Variants in KATNAL2 observed in about 807,000 individuals in gnomAD.
KATNAL2 encodes the protein katanin catalytic subunit A1 like 2.
Under a neutral mutation model 76.3 loss-of-function variants are expected in KATNAL2, and 52 were observed. The ratio of observed to expected loss-of-function variants is 0.68; its 90% CI spans 0.55 to 0.86. The LOEUF is 0.86. KATNAL2 is among the 40% of genes least tolerant of loss of function. The probability of loss-of-function intolerance (pLI) is 0.00; values close to 1 mark genes in which losing one functional copy is unlikely to be tolerated. For synonymous variants in KATNAL2, 243 were observed against 244.2 expected (o/e 1.00, Z 0.05); for missense variants, 660 against 668.9 (o/e 0.99, Z 0.15).
intron 3 of KATNAL2, among the ~76,000 whole-genome samples, chr18:47,046,140 T>C (rs982996031): frequency 6.6e-6 from 1 of 152,274 alleles, no homozygotes; most frequent in African/African-American, 2.4e-5. Flanking sequence ...CTGGTCCCAA[T>C]AGTAGTAGAT....
At chr18:46,956,826 T>C (rs1411411495) in intron 3 of KATNAL2, among the ~76,000 whole-genome samples, 2 of 152,090 alleles carry the variant, frequency 1.3e-5, no homozygotes, top group African/African-American at 2.4e-5. Flanking sequence ...GCAGATCACC[T>C]GAGGTCAGGA....
At chr18:46,923,041 A>G (rs1181066050) in intron 1 of KATNAL2, among the ~76,000 whole-genome samples, 1 of 149,444 alleles carries the variant, frequency 6.7e-6, no homozygotes, top group Non-Finnish European at 1.5e-5. Flanking sequence ...GACCTTTAGT[A>G]AGATCTCAAC....
intron 16 of KATNAL2, 57 bp from the exon 17 acceptor site, chr18:47,100,197 G>A (rs767330956): frequency 6.4e-6 from 8 of 1,259,550 alleles, no homozygotes; most frequent in East Asian, 4.6e-5. Flanking sequence ...CTATAACAAC[G>A]TAATGGCCAG....
chr18:46,930,980 G>A (rs910807848), intron 1 of KATNAL2, among the ~76,000 whole-genome samples: 1 of 151,944 alleles, frequency 6.6e-6, no homozygotes, highest in Non-Finnish European at 1.5e-5. Context: ...GCACACGCCT[G>A]TAGTCCTAGC....
In KATNAL2 at chr18:47,033,205, C is replaced by A. The variant is rs1464581319; in HGVS notation, c.52-13252C>A. The A allele has an allele frequency of 6.2e-7, 1 of 1,613,962 alleles. No individual in the cohort carries two copies. Among genetic ancestry groups the A allele is most frequent in the African/African-American group, 1.3e-5 (1 of 74,922 alleles). On this transcript the variant is annotated intron_variant, in intron 3 of 17. Coordinates refer to ENST00000683218, the MANE Select transcript of KATNAL2 (RefSeq NM_001387690.1). ...TCTGCCACCGCCGCTGCTGCTCTGG[C>A]TGGAGGGAGTGTGGCTGCTTCCCGC... is the stretch of plus-strand genomic sequence containing the variant.
At chr18:47,064,934 A>G (rs1057230639) in intron 10 of KATNAL2, among the ~76,000 whole-genome samples, 36 of 152,166 alleles carry the variant, frequency 2.4e-4, no homozygotes, top group African/African-American at 8.7e-4. Flanking sequence ...ACTCTAGAAG[A>G]GGTCAAGAAA....
chr18:47,100,311 C>A lies in KATNAL2; in HGVS notation c.1432C>A (p.Arg478=), dbSNP rs183886970. ...GCTCGTCTGCAGGGAAGCAGCCATG[C>A]GGCCCGTGAGGAAGATCTTTGATGC... ...IKLVCREAAM[R]PVRKIFDALE... Residue 478 remains arginine, a synonymous_variant, in exon 17 of 18, where the codon CGG becomes AGG. Coordinates refer to ENST00000683218, the MANE Select transcript of KATNAL2 (RefSeq NM_001387690.1). 4.3e-6 allele frequency: 7 copies of A among 1,614,048 alleles called. No individual in the cohort carries two copies. Among genetic ancestry groups the A allele is most frequent in the South Asian group, 2.2e-5 (2 of 91,072 alleles).
chr18:46,950,176 A>G (rs2059507146), intron 3 of KATNAL2, among the ~76,000 whole-genome samples: 1 of 152,232 alleles, frequency 6.6e-6, no homozygotes, highest in Non-Finnish European at 1.5e-5. Flanking sequence ...GCTTGCATGT[A>G]ACAGATAATA....
intron 3 of KATNAL2, among the ~76,000 whole-genome samples, chr18:46,959,183 A>C (rs893636979): frequency 6.6e-6 from 1 of 152,258 alleles, no homozygotes; most frequent in African/African-American, 2.4e-5. Flanking sequence ...ATAGCTATAA[A>C]AAATGTGCAG....
intron 6 of KATNAL2, among the ~76,000 whole-genome samples, chr18:47,054,915 C>A (rs1487346361): frequency 6.6e-6 from 1 of 152,260 alleles, no homozygotes; most frequent in South Asian, 2.1e-4. Context: ...TGAGCTCAGG[C>A]TTCTGGCTTC....
At chr18:46,921,231 C>T (rs965131579) in intron 1 of KATNAL2, among the ~76,000 whole-genome samples, 2 of 152,154 alleles carry the variant, frequency 1.3e-5, no homozygotes, top group Admixed American at 1.3e-4. Flanking sequence ...CGAATTTAAG[C>T]AATTCTCTGC....
chr18:47,054,565 G>C, intron 6 of KATNAL2, 127 bp downstream of exon 6: 1 of 932,466 alleles, frequency 1.1e-6, no homozygotes. Flanking sequence ...CATGTGACCT[G>C]GCCCAGCCCA....
chr18:47,094,265 TC>T (rs2063133304), intron 15 of KATNAL2, among the ~76,000 whole-genome samples: 1 of 152,130 alleles, frequency 6.6e-6, no homozygotes, highest in Non-Finnish European at 1.5e-5. Flanking sequence ...TCTCCCACCC[TC>T]CAAAATGACA....
At chr18:47,077,520 A>C in intron 15 of KATNAL2, 59 bp downstream of exon 15, 1 of 1,219,764 alleles carries the variant, frequency 8.2e-7, no homozygotes, top group Non-Finnish European at 1.2e-6. Flanking sequence ...AGTGCAAATA[A>C]AAATTTTATA....
intron 1 of KATNAL2, among the ~76,000 whole-genome samples, chr18:46,925,415 C>T (rs370152464): frequency 6.6e-6 from 1 of 152,308 alleles, no homozygotes; most frequent in South Asian, 2.1e-4. Flanking sequence ...ACCAGCCTTG[C>T]ATCCCAGGGA....
At chr18:47,034,551 AC>A (rs1569054717) in intron 3 of KATNAL2, 4 of 1,614,220 alleles carry the variant, frequency 2.5e-6, no homozygotes, top group Non-Finnish European at 3.4e-6. Flanking sequence ...CTCCCTGGGC[AC>A]ACAAGGGGCG....
chr18:47,049,729 T>A (rs1599664717), intron 4 of KATNAL2, among the ~76,000 whole-genome samples: 1 of 152,290 alleles, frequency 6.6e-6, no homozygotes, highest in East Asian at 1.9e-4. Context: ...GTGGTTGTTG[T>A]TTTGGAGACA....
intron 6 of KATNAL2, among the ~76,000 whole-genome samples, 154 bp from the exon 7 acceptor site, chr18:47,058,081 T>A (rs2147124192): frequency 6.6e-6 from 1 of 152,296 alleles, no homozygotes; most frequent in African/African-American, 2.4e-5. Flanking sequence ...ATGGACCTGG[T>A]GGGTGGATCA....
At chr18:46,959,090 A>G (rs1418984553) in intron 3 of KATNAL2, among the ~76,000 whole-genome samples, 1 of 152,260 alleles carries the variant, frequency 6.6e-6, no homozygotes, top group Non-Finnish European at 1.5e-5. Context: ...TTGAAAATTT[A>G]ATTACATCAG....
Sources: allele counts gnomAD v4.1 joint callset (sites outside exome capture counted in the v4.1 genomes callset), GRCh38; gene constraint gnomAD v4.1.1; transcripts MANE v1.5; gene names NCBI Gene and HGNC (gene_info 2026-07-23, HGNC 2026-07-21).